The following NSD2 variants were observed in gnomAD, a reference collection of about 807,000 sequenced individuals.
The protein encoded by NSD2 is nuclear receptor binding SET domain protein 2.
A neutral mutation model predicts 139.0 loss-of-function variants in NSD2; 12 were observed. That is an observed-to-expected ratio of 0.09 (90% CI 0.06 to 0.14). NSD2 has a LOEUF of 0.14. NSD2 is among the 10% of genes least tolerant of loss of function. The probability of loss-of-function intolerance (pLI) is 1.00; values close to 1 mark genes in which losing one functional copy is unlikely to be tolerated. For synonymous variants in NSD2, 669 were observed against 648.7 expected (o/e 1.03, Z -0.48); for missense variants, 1,155 against 1,745.0 (o/e 0.66, Z 6.02).
At chr4:1,960,727 G>A (rs111744939) in intron 17 of NSD2, among the ~76,000 whole-genome samples, 1 of 152,194 alleles carries the variant, frequency 6.6e-6, no homozygotes, top group East Asian at 1.9e-4. Context: ...GGGGATCACC[G>A]TGTAAAGTGG....
intron 5 of NSD2, among the ~76,000 whole-genome samples, chr4:1,928,901 A>G (rs555657558): frequency 3.0e-4 from 46 of 152,134 alleles, no homozygotes; most frequent in African/African-American, 1.0e-3. Flanking sequence ...GAGTGGGCTC[A>G]TGGAGTGAGT....
intron 1 of NSD2, among the ~76,000 whole-genome samples, chr4:1,877,908 G>A (rs1714379090): frequency 6.6e-6 from 1 of 152,038 alleles, no homozygotes. Flanking sequence ...GTTTATCTGT[G>A]ATCCTGGTGC....
rs1272315794 is a variant in NSD2, at chr4:1,974,354, G to T, written c.3373-509G>T. ...GCCTCCCGAGTAGCTGAGATTACAG[G>T]CAGCCACCACCACGCCCAGCTAATT... On this transcript the variant is annotated intron_variant, in intron 18 of 21. Coordinates refer to ENST00000508803, the MANE Select transcript of NSD2 (RefSeq NM_001042424.3). This position sits in a 1 kb window ranked among gnomAD's most constrained non-coding sequence, Gnocchi z 4.0. 1.3e-5 allele frequency among the ~76,000 whole-genome samples: 2 copies of T among 152,092 alleles called. No individual in the cohort carries two copies. The highest frequency in any genetic ancestry group is 3.8e-4 in the East Asian group (2 of 5,202).
intron 1 of NSD2, among the ~76,000 whole-genome samples, chr4:1,874,008 C>G (rs1714066534): frequency 6.6e-6 from 1 of 152,182 alleles, no homozygotes. Flanking sequence ...TTACTACAGG[C>G]ACACTCAGCC....
chr4:1,908,686 C>T (rs1342964476), intron 3 of NSD2, among the ~76,000 whole-genome samples: 2 of 152,114 alleles, frequency 1.3e-5, no homozygotes, highest in African/African-American at 2.4e-5. Context: ...CGATGACCAC[C>T]AGAGCTCTCT....
At chr4:1,924,486 C>A (rs2108828653) in intron 5 of NSD2, among the ~76,000 whole-genome samples, 1 of 152,206 alleles carries the variant, frequency 6.6e-6, no homozygotes, top group Middle Eastern at 3.4e-3. Context: ...CAAAGACCAC[C>A]CTATTGGCTT....
chr4:1,963,881 C>A (rs2108986066), intron 18 of NSD2, among the ~76,000 whole-genome samples: 1 of 152,308 alleles, frequency 6.6e-6, no homozygotes, highest in East Asian at 1.9e-4. Context: ...GCCTGTGATT[C>A]CAGCTACTCA....
At position 1,948,958 on chromosome 4, in the gene NSD2, T is replaced by C. The variant is rs891794449; in HGVS notation, c.1882-2114T>C. On this transcript the variant is annotated intron_variant, in intron 9 of 21. Transcript: ENST00000508803. This position sits in a 1 kb window ranked among gnomAD's most constrained non-coding sequence, Gnocchi z 4.5. ...CGCTGGGGCTCTCTCCCCTGAGCCA[T>C]GCAGAAGGCCCCTTTCTCTGGGCCT... 1.4e-4 allele frequency: 43 copies of C among 314,388 alleles called. No individual in the cohort carries two copies. Among genetic ancestry groups the C allele is most frequent in the Non-Finnish European group, 2.0e-4 (43 of 209,932 alleles). The allele number at this position is 314,388 out of a possible 1,614,324, so 19.5% of individuals were successfully genotyped here. A position where few individuals can be genotyped will look rare whatever the true frequency, so the allele number is the denominator to read the frequency against.
chr4:1,935,661 A>T (rs1209044792), intron 7 of NSD2, among the ~76,000 whole-genome samples: 1 of 152,156 alleles, frequency 6.6e-6, no homozygotes, highest in Non-Finnish European at 1.5e-5. Flanking sequence ...GGAGTTCGAG[A>T]CCAGCCTGGC....
In NSD2 at chr4:1,981,694, G is replaced by GT; in HGVS notation, c.*2788dup. The GT allele has an allele frequency of 2.5e-6, 1 of 395,552 alleles. No individual in the cohort carries two copies. The allele number at this position is 395,552 out of a possible 1,614,324, so 24.5% of individuals were successfully genotyped here. On this transcript the variant is annotated 3_prime_UTR_variant, in exon 22 of 22. Transcript: ENST00000508803. The stretch of plus-strand genomic sequence containing the variant: ...TGGCTGGCTGGGTCCCCTTCGCAGT[G>GT]TTTGTCTGTCTTGACATCTAAACCC...
chr4:1,940,770 A>C, intron 9 of NSD2: 2 of 1,060,230 alleles, frequency 1.9e-6, no homozygotes, highest in Non-Finnish European at 2.3e-6. Flanking sequence ...CATGGTCCCC[A>C]GGAAGGATGG....
In NSD2 at chr4:1,911,784, G is replaced by T. The variant is rs556874032; in HGVS notation, c.761-5087G>T. Among the ~76,000 whole-genome samples the T allele has an allele frequency of 2.8e-4, 42 of 152,086 alleles. No individual in the cohort carries two copies. The South Asian group carries it at 6.2e-3, about 23-fold the overall frequency. ...ACCCATAAAAATAGTAGAAAATTCG[G>T]TTATGTTATCCGGTTTCTAGATGGG... On this transcript the variant is annotated intron_variant, in intron 3 of 21. Coordinates refer to ENST00000508803, the MANE Select transcript of NSD2 (RefSeq NM_001042424.3).
chr4:1,969,825 T>C (rs1304472602), intron 18 of NSD2, among the ~76,000 whole-genome samples: 1 of 152,212 alleles, frequency 6.6e-6, no homozygotes, highest in African/African-American at 2.4e-5. Flanking sequence ...TATTCACAGA[T>C]TTTTTGAATA....
At chr4:1,886,315 T>C (rs1715076239) in intron 1 of NSD2, among the ~76,000 whole-genome samples, 1 of 152,210 alleles carries the variant, frequency 6.6e-6, no homozygotes, top group African/African-American at 2.4e-5. Flanking sequence ...CAGGCAATTC[T>C]CGTGCCTCAG....
At chr4:1,970,640 T>C (rs761408365) in intron 18 of NSD2, among the ~76,000 whole-genome samples, 108 of 151,968 alleles carry the variant, frequency 7.1e-4, no homozygotes, top group Admixed American at 1.1e-3. Flanking sequence ...CTGAGTCAGG[T>C]GGGAGCAGAA....
chr4:1,914,865 G>C (rs1463934653), intron 3 of NSD2, among the ~76,000 whole-genome samples: 1 of 152,122 alleles, frequency 6.6e-6, no homozygotes, highest in African/African-American at 2.4e-5. Flanking sequence ...TTGAATTTCA[G>C]CAGGGTGTGC....
Position 1,942,244 on chromosome 4 carries a change from G to C in NSD2, c.1881+2466G>C. On this transcript the variant is annotated intron_variant, in intron 9 of 21. Transcript: ENST00000508803. The surrounding 1 kb of genome is among the most constrained non-coding windows in gnomAD (Gnocchi z 4.0). ...TTACACACTTGCATGACAAAGGCCTGTGAAGGAATTAATGTGATTTAAGTG... is the reference window on the plus strand; with the variant it reads ...TTACACACTTGCATGACAAAGGCCTCTGAAGGAATTAATGTGATTTAAGTG... The C allele has an allele frequency of 1.3e-6, 2 of 1,561,036 alleles. No individual in the cohort carries two copies. The highest frequency in any genetic ancestry group is 1.7e-6 in the Non-Finnish European group (2 of 1,155,832).
chr4:1,889,726 TC>T (rs1371675179), intron 1 of NSD2, among the ~76,000 whole-genome samples: 1 of 151,628 alleles, frequency 6.6e-6, no homozygotes, highest in Non-Finnish European at 1.5e-5. Flanking sequence ...CCTCAGGTGA[TC>T]CACTCCTGAC....
At position 1,980,967 on chromosome 4, in the gene NSD2, C is replaced by G; in HGVS notation, c.*2058C>G. On this transcript the variant is annotated 3_prime_UTR_variant, in exon 22 of 22. Transcript: ENST00000508803. ...ACACACACCTTAGAGTCGAAGGCCC[C>G]AGGGCCCCGCTGTCACTTGCCCAAA... The G allele has an allele frequency of 4.3e-6, 1 of 233,304 alleles. No homozygotes were observed. The highest frequency in any genetic ancestry group is 8.5e-6 in the Non-Finnish European group (1 of 118,048). 14.5% of individuals were successfully genotyped at this position (233,304 alleles called of 1,614,324 possible). A position where few individuals can be genotyped will look rare whatever the true frequency, so the allele number is the denominator to read the frequency against.
Sources: gnomAD v4.1 joint callset for allele counts (sites outside exome capture counted in the v4.1 genomes callset) on GRCh38, gnomAD v4.1.1 for gene constraint, Gnocchi (gnomAD v3.1) non-coding constraint, MANE v1.5 for transcripts, NCBI Gene and HGNC (gene_info 2026-07-23, HGNC 2026-07-21) for gene names.